The following SETD6 variants were observed in gnomAD, a reference collection of about 807,000 sequenced individuals.
SETD6 encodes N-lysine methyltransferase SETD6.
A neutral mutation model predicts 52.7 loss-of-function variants in SETD6; 67 were observed. The ratio of observed to expected loss-of-function variants is 1.27; its 90% CI spans 1.04 to 1.56. The LOEUF (loss-of-function observed/expected upper bound fraction) is 1.56. Ranked by LOEUF, SETD6 falls within the 40% of genes most tolerant of loss-of-function variation. SETD6 has a pLI of 0.00. For missense variants in SETD6, 712 were observed against 607.5 expected (o/e 1.17, Z -1.81); for synonymous variants, 307 against 250.2 (o/e 1.23, Z -2.14).
rs56149974 is a variant in SETD6, at chr16:58,522,237, C to CAAAAAAAAA, written c.*3230_*3238dup. On this transcript the variant is annotated 3_prime_UTR_variant, in exon 8 of 8. Transcript: ENST00000219315. ...AGGAGGCGACAAAGCGAGACTGTCT[C>CAAAAAAAAA]AAAAAAAAAAAAAAAAAAAAAAAAA... 4.1e-5 allele frequency among the ~76,000 whole-genome samples: 4 copies of CAAAAAAAAA among 98,594 alleles called. No homozygotes were observed. The highest frequency in any genetic ancestry group is 1.0e-4 in the Admixed American group (1 of 9,748). 64.7% of individuals were successfully genotyped at this position (98,594 alleles called of 152,430 possible).
rs1465330201 is a variant in SETD6 at position 58,520,097 on chromosome 16, T to A, written c.*1068T>A. On this transcript the variant is annotated 3_prime_UTR_variant, in exon 8 of 8. Transcript: ENST00000219315. ...AAAATCCTTATAAAAGGGGCTGTAT[T>A]GGTCCTTTCAACTTTGTCATTATTC... is the stretch of plus-strand genomic sequence containing the variant. 6.6e-6 allele frequency: 1 copy of A among 152,226 alleles called. No homozygotes were observed. Among genetic ancestry groups the A allele is most frequent in the Non-Finnish European group, 1.5e-5 (1 of 68,040 alleles). The allele number at this position is 152,226 out of a possible 1,614,324, so 9.4% of individuals were successfully genotyped here. A position where few individuals can be genotyped will look rare whatever the true frequency, so the allele number is the denominator to read the frequency against.
chr16:58,518,211 T>C lies in SETD6; in HGVS notation c.953T>C (p.Val318Ala). The change falls in exon 6 of 8, where the codon GTT becomes GCT. Residue 318 changes from valine (V) to alanine (A), a missense_variant. Val to Ala is a moderately conservative substitution (Grantham distance 64, BLOSUM62 0). Coordinates refer to ENST00000219315, the MANE Select transcript of SETD6 (RefSeq NM_001160305.4). ...ACAGCTGACATTCAGATGGTGACAG[T>C]TCGTGAGGCAGCATTACAGGGTGAG... ...DDTADIQMVT[V>A]REAALQGTKT... 6.2e-7 allele frequency: 1 copy of C among 1,614,208 alleles called. No homozygotes were observed. The highest frequency in any genetic ancestry group is 8.5e-7 in the Non-Finnish European group (1 of 1,180,030).
At position 58,519,057 on chromosome 16, in the gene SETD6, C is replaced by G; in HGVS notation, c.*28C>G. On this transcript the variant is annotated 3_prime_UTR_variant, in exon 8 of 8. Transcript: ENST00000219315. ...GTTTCCCTGTTCCCTGAAGGAACAGCAATAAGAACTTTATTCTAAGCTAAT... is the reference window on the plus strand; with the variant it reads ...GTTTCCCTGTTCCCTGAAGGAACAGGAATAAGAACTTTATTCTAAGCTAAT... The G allele has an allele frequency of 1.3e-6, 2 of 1,561,880 alleles. No homozygotes were observed. The highest frequency in any genetic ancestry group is 1.2e-5 in the South Asian group (1 of 83,734).
Position 58,523,681 on chromosome 16 carries a change from C to A in SETD6, c.*4652C>A. The A allele has an allele frequency of 2.1e-6, 1 of 486,172 alleles. No homozygotes were observed. The highest frequency in any genetic ancestry group is 3.6e-6 in the Non-Finnish European group (1 of 276,766). The allele number at this position is 486,172 out of a possible 1,614,324, so 30.1% of individuals were successfully genotyped here. On this transcript the variant is annotated 3_prime_UTR_variant, in exon 8 of 8. Coordinates refer to ENST00000219315, the MANE Select transcript of SETD6 (RefSeq NM_001160305.4). ...TCTGTGCGTTTTATTTCAGAATTTT[C>A]CACATTAGAAATTAGATTTTAAAAA...
At position 58,518,081 on chromosome 16, in the gene SETD6, A is replaced by G. The variant is rs765135633; in HGVS notation, c.823A>G (p.Ile275Val). The G allele has an allele frequency of 3.7e-6, 6 of 1,614,082 alleles. No individual in the cohort carries two copies. In the East Asian group the frequency reaches 1.3e-4, roughly 36 times the overall value. Residue 275 changes from isoleucine to valine, a missense_variant, in exon 6 of 8, where the codon ATT becomes GTT. Ile to Val is a conservative substitution (Grantham distance 29). Coordinates refer to ENST00000219315, the MANE Select transcript of SETD6 (RefSeq NM_001160305.4). ...TCTTCGGATGGTAGCCACTCAGCCC[A>G]TTCCTAAAGGCCATGAGATTTTCAA... is the stretch of plus-strand genomic sequence containing the variant. ...NCLRMVATQP[I>V]PKGHEIFNTY...
At chr16:58,515,592 T>A (rs537305293) in intron 1 of SETD6, 28 bp downstream of exon 1, 1 of 1,535,284 alleles carries the variant, frequency 6.5e-7, no homozygotes, top group East Asian at 2.5e-5. Context: ...GGTCCAGCCT[T>A]TTCCTCCGCG....
chr16:58,517,813 C>T (rs575944816), intron 5 of SETD6: 4 of 578,258 alleles, frequency 6.9e-6, no homozygotes, highest in Admixed American at 3.1e-5. Context: ...TTTTTAAGTG[C>T]TGAAGAGGAC....
rs976669290 is a variant in SETD6 at position 58,517,858 on chromosome 16, G to A, written c.793-193G>A. ...ATCCACCCAGTTAAACATGAAGCTG[G>A]CCTTTTAAAGTTAGCCCAACCCTTT... On this transcript the variant is annotated intron_variant, in intron 5 of 7. Transcript: ENST00000219315. 4.6e-6 allele frequency: 3 copies of A among 648,094 alleles called. No homozygotes were observed. In the Admixed American group the frequency reaches 8.8e-5, roughly 19 times the overall value. 40.1% of individuals were successfully genotyped at this position (648,094 alleles called of 1,614,324 possible). A position where few individuals can be genotyped will look rare whatever the true frequency, so the allele number is the denominator to read the frequency against.
At position 58,521,635 on chromosome 16, in the gene SETD6, A is replaced by G. The variant is rs1412482992; in HGVS notation, c.*2606A>G. ...CCCAGAGTACATGGCACACAAAGTT[A>G]GTACAAAAAGTAGTAATTTCCAGAA... is the stretch of plus-strand genomic sequence containing the variant. On this transcript the variant is annotated 3_prime_UTR_variant, in exon 8 of 8. Transcript: ENST00000219315. Among the ~76,000 whole-genome samples, 1 of 152,204 alleles carries G rather than the reference A, an allele frequency of 6.6e-6. No individual in the cohort carries two copies. Among genetic ancestry groups the G allele is most frequent in the African/African-American group, 2.4e-5 (1 of 41,456 alleles).
intron 5 of SETD6, chr16:58,517,484 T>C (rs182262227): frequency 6.4e-5 from 11 of 170,670 alleles, no homozygotes; most frequent in South Asian, 3.9e-4. Context: ...TTCCATTTTT[T>C]CCCCCCCGAG....
In SETD6 at chr16:58,515,835, C is replaced by T. The variant is rs374045586; in HGVS notation, c.72C>T (p.Cys24=). The part of the protein sequence containing the change: ...VDGGDLDPVA[C]FLSWCRRVGL... ...GCGGCGACCTGGATCCTGTGGCCTG[C>T]TTCCTGAGCTGGTGCCGGCGGGTGG... is the stretch of plus-strand genomic sequence containing the variant. Residue 24 remains cysteine (C), a synonymous_variant, in exon 2 of 8, where the codon TGC becomes TGT. Coordinates refer to ENST00000219315, the MANE Select transcript of SETD6 (RefSeq NM_001160305.4). 176 of 1,539,098 alleles carry T rather than the reference C, an allele frequency of 1.1e-4. 2 individuals carry two copies. The South Asian group carries it at 1.8e-3, about 16-fold the overall frequency.
chr16:58,523,244 CA>C lies in SETD6; in HGVS notation c.*4222del. 6 of 1,066,496 alleles carry C rather than the reference CA, an allele frequency of 5.6e-6. No homozygotes were observed. The highest frequency in any genetic ancestry group is 2.6e-5 in the East Asian group (1 of 38,710). 66.1% of individuals were successfully genotyped at this position (1,066,496 alleles called of 1,614,324 possible). On this transcript the variant is annotated 3_prime_UTR_variant, in exon 8 of 8. Coordinates refer to ENST00000219315, the MANE Select transcript of SETD6 (RefSeq NM_001160305.4). ...TGAGTGACAGAGCAACACTCCGTCT[CA>C]AAAAAACAAAAAAAAAACCAACCAA...
rs2039438772 is a variant in SETD6, at chr16:58,522,558, G to A, written c.*3529G>A. 1.3e-5 allele frequency among the ~76,000 whole-genome samples: 2 copies of A among 151,970 alleles called. No homozygotes were observed. Among genetic ancestry groups the A allele is most frequent in the South Asian group, 2.1e-4 (1 of 4,816 alleles). The stretch of plus-strand genomic sequence containing the variant: ...AAGAGTCTGGCCCAATTTTTAAAGT[G>A]TGTGTGTGTGTGTATCACAATCTCT... On this transcript the variant is annotated 3_prime_UTR_variant, in exon 8 of 8. Transcript: ENST00000219315.
At position 58,522,244 on chromosome 16, in the gene SETD6, A is replaced by AAAAAC. The variant is rs2039417897; in HGVS notation, c.*3219_*3220insCAAAA. Reference sequence around the variant, plus strand: ...GACAAAGCGAGACTGTCTCAAAAAAAAAAAAAAAAAAAAAAAAAAAAAAGC... The same window carrying AAAAAC: ...GACAAAGCGAGACTGTCTCAAAAAAAAAAACAAAAAAAAAAAAAAAAAAAAAAAGC... On this transcript the variant is annotated 3_prime_UTR_variant, in exon 8 of 8. Coordinates refer to ENST00000219315, the MANE Select transcript of SETD6 (RefSeq NM_001160305.4). Among the ~76,000 whole-genome samples the AAAAAC allele has an allele frequency of 1.6e-4, 4 of 24,280 alleles. No homozygotes were observed. Among genetic ancestry groups the AAAAAC allele is most frequent in the African/African-American group, 1.2e-3 (4 of 3,408 alleles). The allele number at this position is 24,280 out of a possible 152,430, so 15.9% of individuals were successfully genotyped here. A position where few individuals can be genotyped will look rare whatever the true frequency, so the allele number is the denominator to read the frequency against.
Position 58,520,730 on chromosome 16 carries a change from A to G in SETD6, c.*1701A>G, listed in dbSNP as rs1033638026. On this transcript the variant is annotated 3_prime_UTR_variant, in exon 8 of 8. Coordinates refer to ENST00000219315, the MANE Select transcript of SETD6 (RefSeq NM_001160305.4). ...CATGTATTTACACAAGTTCAAAATG[A>G]TATTCACAGCATCTTCTAAATTTTG... The G allele has an allele frequency of 8.9e-6, 5 of 558,710 alleles. No individual in the cohort carries two copies. The highest frequency in any genetic ancestry group is 1.3e-5 in the Non-Finnish European group (4 of 312,208). 34.6% of individuals were successfully genotyped at this position (558,710 alleles called of 1,614,324 possible).
At chr16:58,517,220 G>GC in intron 5 of SETD6, 1 of 418,480 alleles carries the variant, frequency 2.4e-6, no homozygotes, top group Admixed American at 3.4e-5. Flanking sequence ...ACATCAGTGA[G>GC]CCCAGACTGT....
At position 58,519,777 on chromosome 16, in the gene SETD6, T is replaced by G. The variant is rs2039295407; in HGVS notation, c.*748T>G. On this transcript the variant is annotated 3_prime_UTR_variant, in exon 8 of 8. Transcript: ENST00000219315. ...AATAGGAAGAAAAATACAATTTCCT[T>G]AAACATGCCAGCTTAGTAGTAGGAA... The G allele has an allele frequency of 6.6e-6, 1 of 152,114 alleles. No individual in the cohort carries two copies. Among genetic ancestry groups the G allele is most frequent in the African/African-American group, 2.4e-5 (1 of 41,404 alleles). 9.4% of individuals were successfully genotyped at this position (152,114 alleles called of 1,614,324 possible). A position where few individuals can be genotyped will look rare whatever the true frequency, so the allele number is the denominator to read the frequency against.
At position 58,516,270 on chromosome 16, in the gene SETD6, G is replaced by A. The variant is rs374591667; in HGVS notation, c.403G>A (p.Ala135Thr). 10 of 1,601,986 alleles carry A rather than the reference G, an allele frequency of 6.2e-6. No individual in the cohort carries two copies. The highest frequency in any genetic ancestry group is 8.5e-6 in the Non-Finnish European group (10 of 1,179,790). Residue 135 changes from alanine (A) to threonine (T), a missense_variant, in exon 3 of 8, where the codon GCC (alanine) becomes ACC (threonine). Ala to Thr is a moderately conservative substitution (Grantham distance 58, BLOSUM62 0). Transcript: ENST00000219315. Reference sequence around the variant, plus strand: ...GCTGGCGCTGCTCCACGAGCTGCAGGCCCCGGCCTCACGCTGGAGGCCCTA... The same window carrying A: ...GCTGGCGCTGCTCCACGAGCTGCAGACCCCGGCCTCACGCTGGAGGCCCTA... ...LLLALLHELQAPASRWRPYFA... is the reference protein window; with the variant it reads ...LLLALLHELQTPASRWRPYFA...
chr16:58,517,107 G>C, intron 5 of SETD6, 179 bp downstream of exon 5: 1 of 868,470 alleles, frequency 1.2e-6, no homozygotes, highest in Non-Finnish European at 1.8e-6. Flanking sequence ...AGTCCTCAAA[G>C]TAAGTTGTGG....
Sources: allele counts gnomAD v4.1 joint callset (sites outside exome capture counted in the v4.1 genomes callset), GRCh38; gene constraint gnomAD v4.1.1; transcripts MANE v1.5; gene names NCBI Gene and HGNC (gene_info 2026-07-23, HGNC 2026-07-21).